Variants in TRPS1 observed in about 807,000 individuals in gnomAD.
TRPS1 encodes the protein zinc finger transcription factor Trps1.
A neutral mutation model predicts 101.2 loss-of-function variants in TRPS1; 6 were observed. The observed-to-expected ratio is 0.06, with a 90% CI of 0.03 to 0.12. The LOEUF (loss-of-function observed/expected upper bound fraction) is 0.12. Ranked by LOEUF, TRPS1 falls within the 10% of genes least tolerant of loss-of-function variation. The pLI, the probability that TRPS1 is intolerant of heterozygous loss-of-function variation, is 1.00. For missense variants in TRPS1, 1,363 were observed against 1,567.0 expected, an observed-to-expected ratio of 0.87 and a Z score of 2.20; for synonymous variants, 578 against 589.8, an observed-to-expected ratio of 0.98 and a Z score of 0.29.
In TRPS1 at chr8:115,414,205, T is replaced by C. The variant is rs181858552; in HGVS notation, c.3703A>G (p.Ile1235Val). The change falls in exon 7 of 7, where the codon ATT becomes GTT. Residue 1235 changes from isoleucine to valine, a missense_variant. Ile to Val is a conservative substitution (Grantham distance 29). This residue lies in a region of TRPS1 where 307 missense variants were observed against 392.4 expected (regional missense o/e 0.78). Coordinates refer to ENST00000395715, the MANE Select transcript of TRPS1 (RefSeq NM_014112.5). The surrounding 1 kb of genome is among the most constrained non-coding windows in gnomAD (Gnocchi z 4.8). ...ELSTKCVHCG[I>V]VFLDEVMYAL... The stretch of plus-strand genomic sequence containing the variant: ...TACATCACTTCATCCAGAAAGACAA[T>C]GCCACAGTGCACACATTTTGTTGAA... The C allele has an allele frequency of 2.1e-5, 34 of 1,614,054 alleles. No homozygotes were observed. The highest frequency in any genetic ancestry group is 2.0e-4 in the East Asian group (9 of 44,870).
intron 1 of TRPS1, among the ~76,000 whole-genome samples, chr8:115,625,823 G>C (rs1396699541): frequency 4.6e-5 from 7 of 151,800 alleles, no homozygotes; most frequent in Admixed American, 6.6e-5. Context: ...CCTGTAATTG[G>C]ACCTCAGTTT....
intron 1 of TRPS1, among the ~76,000 whole-genome samples, chr8:115,657,542 C>T (rs179442): frequency 0.46 from 69,422 of 151,814 alleles, 17,920 homozygotes; most frequent in African/African-American, 0.7. Context: ...GGCATTGTAC[C>T]TCTTGGGAAT....
intron 5 of TRPS1, among the ~76,000 whole-genome samples, chr8:115,511,859 C>T (rs944463683): frequency 1.3e-5 from 2 of 151,784 alleles, no homozygotes; most frequent in Non-Finnish European, 2.9e-5. Context: ...GACAAATGCA[C>T]TCTAAAATTT....
intron 5 of TRPS1, among the ~76,000 whole-genome samples, chr8:115,563,068 T>A (rs997289948): frequency 2.0e-5 from 3 of 151,892 alleles, no homozygotes; most frequent in Non-Finnish European, 4.4e-5. Flanking sequence ...ATGTGGATTA[T>A]GTGAATGAAA....
intron 5 of TRPS1, among the ~76,000 whole-genome samples, chr8:115,484,391 T>A (rs988865439): frequency 9.9e-5 from 15 of 152,204 alleles, no homozygotes; most frequent in African/African-American, 3.6e-4. Context: ...TTCCAAATTT[T>A]ATCTGAGAGA....
chr8:115,596,505 T>C (rs1035020346), intron 4 of TRPS1, among the ~76,000 whole-genome samples: 2 of 151,902 alleles, frequency 1.3e-5, no homozygotes, highest in Non-Finnish European at 2.9e-5. Flanking sequence ...TACAGAATCA[T>C]AGAATGTGAT....
At chr8:115,475,597 A>G (rs1814585131) in intron 5 of TRPS1, among the ~76,000 whole-genome samples, 1 of 152,126 alleles carries the variant, frequency 6.6e-6, no homozygotes, top group Non-Finnish European at 1.5e-5. Flanking sequence ...ATTTAATAGT[A>G]CAGAAAGCTT....
intron 3 of TRPS1, among the ~76,000 whole-genome samples, chr8:115,611,663 G>T (rs1212140943): frequency 6.6e-6 from 1 of 152,188 alleles, no homozygotes; most frequent in East Asian, 1.9e-4. Context: ...CAGTGATCAT[G>T]AAAGGGCATT....
At chr8:115,419,385 GAAAA>G (rs544100359) in intron 5 of TRPS1, among the ~76,000 whole-genome samples, 1 of 144,378 alleles carries the variant, frequency 6.9e-6, no homozygotes, top group Non-Finnish European at 1.5e-5. Flanking sequence ...AAAAAAAAAA[GAAAA>G]AAAAAGACAG....
At chr8:115,435,151 A>G (rs1263458162) in intron 5 of TRPS1, among the ~76,000 whole-genome samples, 1 of 152,202 alleles carries the variant, frequency 6.6e-6, no homozygotes, top group Non-Finnish European at 1.5e-5. Flanking sequence ...AGTGGTTTAT[A>G]TTCAAAATAG....
intron 5 of TRPS1, among the ~76,000 whole-genome samples, chr8:115,526,499 A>G (rs1816003295): frequency 6.6e-6 from 1 of 152,118 alleles, no homozygotes; most frequent in African/African-American, 2.4e-5. Flanking sequence ...TCTTTCTTCT[A>G]TTTTCCAACA....
intron 5 of TRPS1, among the ~76,000 whole-genome samples, chr8:115,433,080 T>C (rs1007572483): frequency 6.6e-6 from 1 of 151,958 alleles, no homozygotes. Context: ...AGAAGTGATA[T>C]AGAAAGAATT....
At chr8:115,517,082 C>A (rs1289817437) in intron 5 of TRPS1, among the ~76,000 whole-genome samples, 1 of 151,352 alleles carries the variant, frequency 6.6e-6, no homozygotes, top group Non-Finnish European at 1.5e-5. Flanking sequence ...GCTTTTTAAA[C>A]AAAATATATG....
intron 5 of TRPS1, among the ~76,000 whole-genome samples, chr8:115,468,099 C>T (rs1336503426): frequency 6.6e-6 from 1 of 152,146 alleles, no homozygotes; most frequent in Non-Finnish European, 1.5e-5. Context: ...GTTTCAATTT[C>T]CGAAATACGA....
chr8:115,477,963 C>T (rs1396999864), intron 5 of TRPS1, among the ~76,000 whole-genome samples: 1 of 152,144 alleles, frequency 6.6e-6, no homozygotes, highest in East Asian at 1.9e-4. Context: ...TTCCTCCCTC[C>T]CTTTCTCTCT....
Position 115,623,501 on chromosome 8 carries a change from A to G in TRPS1, c.37+100T>C, listed in dbSNP as rs562450087. On this transcript the variant is annotated intron_variant, in intron 2 of 6. Transcript: ENST00000395715. ...TACCATAAGACTATAGCCACCCTCA[A>G]GTTATTATCTCTAAGACAAATAACA... 1.6e-4 allele frequency: 227 copies of G among 1,410,866 alleles called. 2 individuals carry two copies. The African/African-American group carries it at 2.7e-3, about 17-fold the overall frequency. The allele number at this position is 1,410,866 out of a possible 1,614,324, so 87.4% of individuals were successfully genotyped here. A position where few individuals can be genotyped will look rare whatever the true frequency, so the allele number is the denominator to read the frequency against.
At chr8:115,541,370 C>T (rs1179071356) in intron 5 of TRPS1, among the ~76,000 whole-genome samples, 4 of 152,176 alleles carry the variant, frequency 2.6e-5, no homozygotes, top group Non-Finnish European at 5.9e-5. Context: ...TTAATGCTTT[C>T]ACCACGAACG....
intron 5 of TRPS1, among the ~76,000 whole-genome samples, chr8:115,575,704 C>T (rs887914607): frequency 2.6e-5 from 4 of 152,050 alleles, no homozygotes; most frequent in African/African-American, 9.7e-5. Context: ...TCATCATGAT[C>T]ACCCATACTT....
chr8:115,533,436 G>GTTTTTTTTTTCTT (rs1816188893), intron 5 of TRPS1, among the ~76,000 whole-genome samples: 1 of 34,986 alleles, frequency 2.9e-5, no homozygotes, highest in Non-Finnish European at 5.3e-5. Flanking sequence ...CATGTAATCT[G>GTTTTTTTTTTCTT]TTTTTTTTTT....
Sources: allele counts gnomAD v4.1 joint callset (sites outside exome capture counted in the v4.1 genomes callset), GRCh38; gene constraint gnomAD v4.1.1; regional missense constraint gnomAD v4.1.1; non-coding constraint Gnocchi (gnomAD v3.1); transcripts MANE v1.5; gene names NCBI Gene and HGNC (gene_info 2026-07-23, HGNC 2026-07-21).